The following BNIP3L variants were observed in gnomAD, a reference collection of about 807,000 sequenced individuals.
The protein encoded by BNIP3L is BCL2 interacting protein 3 like.
In BNIP3L, 10 loss-of-function variants were observed where a neutral mutation model predicts 25.5. The ratio of observed to expected loss-of-function variants is 0.39; its 90% CI spans 0.24 to 0.67. The LOEUF (loss-of-function observed/expected upper bound fraction) is 0.67, where lower values mean the gene tolerates loss of function less well. Among genes scored for constraint, BNIP3L ranks in the 30% least tolerant of loss-of-function variants. BNIP3L has a pLI of 0.45. For missense variants in BNIP3L, 215 were observed against 270.9 expected, an observed-to-expected ratio of 0.79 and a Z score of 1.45; for synonymous variants, 113 against 101.2, an observed-to-expected ratio of 1.12 and a Z score of -0.70.
In BNIP3L at chr8:26,395,271, A is replaced by T; in HGVS notation, c.326A>T (p.Glu109Val). Reference sequence around the variant, plus strand: ...GATGGGCAGATCATGTTTGATGTGGAAATGCACACCAGCAGGGACCATAGC... The same window carrying T: ...GATGGGCAGATCATGTTTGATGTGGTAATGCACACCAGCAGGGACCATAGC... ...QEDGQIMFDV[E>V]MHTSRDHSSQ... is the part of the protein sequence containing the mutation. Residue 109 changes from glutamate to valine, a missense_variant, in exon 3 of 6, where the codon GAA becomes GTA. Around this residue, in one of 4 missense-constraint regions of BNIP3L, gnomAD observed 47 missense variants for 43.3 expected, o/e 1.09. Transcript: ENST00000380629. The T allele has an allele frequency of 6.2e-7, 1 of 1,614,176 alleles. No individual in the cohort carries two copies. Among genetic ancestry groups the T allele is most frequent in the African/African-American group, 1.3e-5 (1 of 75,064 alleles).
rs1329065009 is a variant in BNIP3L at position 26,411,795 on chromosome 8, C to T, written c.*1383C>T. 2 of 152,592 alleles carry T rather than the reference C, an allele frequency of 1.3e-5. No individual in the cohort carries two copies. The highest frequency in any genetic ancestry group is 1.5e-5 in the Non-Finnish European group (1 of 68,030). 9.5% of individuals were successfully genotyped at this position (152,592 alleles called of 1,614,324 possible). ...TCTAGCATGACTCTGAAGGATACCA[C>T]ATGTTTTATATATAAATAATTACTG... On this transcript the variant is annotated 3_prime_UTR_variant, in exon 6 of 6. Coordinates refer to ENST00000380629, the MANE Select transcript of BNIP3L (RefSeq NM_004331.3).
At chr8:26,388,366 A>G (rs1585430228) in intron 1 of BNIP3L, among the ~76,000 whole-genome samples, 1 of 152,194 alleles carries the variant, frequency 6.6e-6, no homozygotes, top group Non-Finnish European at 1.5e-5. Context: ...TTTATAGATG[A>G]GAAAACTGAG....
chr8:26,403,044 C>T (rs1203883660), intron 3 of BNIP3L, among the ~76,000 whole-genome samples: 1 of 152,068 alleles, frequency 6.6e-6, no homozygotes, highest in Non-Finnish European at 1.5e-5. Context: ...AGGTTTTTGG[C>T]CTTTGGTAGG....
chr8:26,389,759 C>T (rs1806064781), intron 1 of BNIP3L, among the ~76,000 whole-genome samples: 1 of 152,212 alleles, frequency 6.6e-6, no homozygotes, highest in African/African-American at 2.4e-5. Flanking sequence ...CACAGGTAGA[C>T]AGGAAGTGAT....
rs1806538866 is a variant in BNIP3L at position 26,408,032 on chromosome 8, A to AGT, written c.391_392dup (p.Glu132SerfsTer4). ...AAGAAGTTGTAGAAGGAGAGAAGGAAGTCGAGGCTTTGAAGAAAAGTGCGG... is the reference window on the plus strand; with the variant it reads ...AAGAAGTTGTAGAAGGAGAGAAGGAAGTGTCGAGGCTTTGAAGAAAAGTGCGG... On this transcript the variant is annotated frameshift_variant, in exon 4 of 6. Transcript: ENST00000380629. LOFTEE classifies it high-confidence loss of function. 1 of 1,614,218 alleles carries AGT rather than the reference A, an allele frequency of 6.2e-7. No homozygotes were observed. The highest frequency in any genetic ancestry group is 1.3e-5 in the African/African-American group (1 of 75,060).
chr8:26,386,584 A>G (rs1805997925), intron 1 of BNIP3L, among the ~76,000 whole-genome samples: 1 of 151,820 alleles, frequency 6.6e-6, no homozygotes, highest in African/African-American at 2.4e-5. Context: ...GCAGGTGTGC[A>G]CCCCCACATC....
Position 26,411,518 on chromosome 8 carries a change from T to C in BNIP3L, c.*1106T>C, listed in dbSNP as rs1806624506. On this transcript the variant is annotated 3_prime_UTR_variant, in exon 6 of 6. Coordinates refer to ENST00000380629, the MANE Select transcript of BNIP3L (RefSeq NM_004331.3). ...TCTGAAAAGATGCCATTTGTTTCCT[T>C]CTGATCTCTCACTGAATAATGTTTA... 6.6e-6 allele frequency: 1 copy of C among 152,262 alleles called. No individual in the cohort carries two copies. Among genetic ancestry groups the C allele is most frequent in the African/African-American group, 2.4e-5 (1 of 41,466 alleles). The allele number at this position is 152,262 out of a possible 1,614,324, so 9.4% of individuals were successfully genotyped here. A position where few individuals can be genotyped will look rare whatever the true frequency, so the allele number is the denominator to read the frequency against.
chr8:26,392,085 G>GAC (rs1806125522), intron 2 of BNIP3L, among the ~76,000 whole-genome samples: 1 of 151,984 alleles, frequency 6.6e-6, no homozygotes, highest in African/African-American at 2.4e-5. Context: ...ATGGATTAAG[G>GAC]ACTGCTTATG....
intron 2 of BNIP3L, among the ~76,000 whole-genome samples, chr8:26,392,119 GAT>G (rs1271767444): frequency 1.3e-5 from 2 of 151,134 alleles, no homozygotes; most frequent in Admixed American, 6.6e-5. Flanking sequence ...AATACAACGA[GAT>G]ATGTGTGTGG....
At position 26,408,378 on chromosome 8, in the gene BNIP3L, T is replaced by A; in HGVS notation, c.611+2T>A. ...TCATGTTTTGGCTTTGGGGCTAGGG[T>A]AAGTACCGGTCAACTCCTGAAGTTT... On this transcript the variant is annotated splice_donor_variant, in intron 5 of 5. Transcript: ENST00000380629. LOFTEE classifies it high-confidence loss of function. 6.2e-7 allele frequency: 1 copy of A among 1,612,522 alleles called. No homozygotes were observed. The highest frequency in any genetic ancestry group is 8.5e-7 in the Non-Finnish European group (1 of 1,179,196).
intron 2 of BNIP3L, among the ~76,000 whole-genome samples, chr8:26,394,420 A>G (rs572849673): frequency 6.6e-6 from 1 of 152,292 alleles, no homozygotes; most frequent in East Asian, 1.9e-4. Context: ...AAAAATCATT[A>G]GGGACCCCAA....
At chr8:26,406,711 A>G (rs1446994984) in intron 3 of BNIP3L, among the ~76,000 whole-genome samples, 1 of 151,892 alleles carries the variant, frequency 6.6e-6, no homozygotes, top group African/African-American at 2.4e-5. Context: ...AGTCCCAGCT[A>G]CTTGGGAGGT....
chr8:26,387,995 G>A (rs760708750), intron 1 of BNIP3L, among the ~76,000 whole-genome samples: 56 of 152,104 alleles, frequency 3.7e-4, no homozygotes, highest in Non-Finnish European at 6.8e-4. Context: ...TCTGAAAAAC[G>A]ACTTACAGAA....
At chr8:26,386,020 G>T (rs185027642) in intron 1 of BNIP3L, among the ~76,000 whole-genome samples, 1 of 152,260 alleles carries the variant, frequency 6.6e-6, no homozygotes, top group East Asian at 1.9e-4. Context: ...CTGATAAGTC[G>T]AAGGACTTTG....
At chr8:26,409,902 A>G (rs1806583557) in intron 5 of BNIP3L, among the ~76,000 whole-genome samples, 1 of 151,564 alleles carries the variant, frequency 6.6e-6, no homozygotes. Flanking sequence ...AGGAGTTATT[A>G]GTAAGAGCTG....
chr8:26,396,565 G>A (rs1293822692), intron 3 of BNIP3L, among the ~76,000 whole-genome samples: 19 of 145,290 alleles, frequency 1.3e-4, no homozygotes, highest in Middle Eastern at 3.5e-3. Flanking sequence ...AACACAGAGC[G>A]CCTCTCCTCC....
At chr8:26,390,980 C>T (rs1327630685) in intron 1 of BNIP3L, among the ~76,000 whole-genome samples, 1 of 151,844 alleles carries the variant, frequency 6.6e-6, no homozygotes, top group Admixed American at 6.6e-5. Context: ...CAAGCTTTAC[C>T]CAGAGAGAAA....
intron 3 of BNIP3L, 116 bp from the exon 4 acceptor site, chr8:26,407,884 C>G: frequency 2.3e-6 from 2 of 857,094 alleles, no homozygotes; most frequent in Non-Finnish European, 1.8e-6. Context: ...TGTTTGTTAT[C>G]TAAAATTTCT....
At chr8:26,390,388 C>G in intron 1 of BNIP3L, 1 of 985,418 alleles carries the variant, frequency 1.0e-6, no homozygotes, top group Non-Finnish European at 1.2e-6. Flanking sequence ...AACTTTTTGT[C>G]CAAGAAAACT....
Sources: gnomAD v4.1 joint callset for allele counts (sites outside exome capture counted in the v4.1 genomes callset) on GRCh38, gnomAD v4.1.1 for gene constraint, gnomAD v4.1.1 regional missense constraint, MANE v1.5 for transcripts, NCBI Gene and HGNC (gene_info 2026-07-23, HGNC 2026-07-21) for gene names.